Variants in RNF157 observed in about 807,000 individuals in gnomAD.
RNF157 encodes E3 ubiquitin ligase RNF157.
A neutral mutation model predicts 88.3 loss-of-function variants in RNF157; 55 were observed. The ratio of observed to expected loss-of-function variants is 0.62; its 90% CI spans 0.50 to 0.78. RNF157 has a LOEUF of 0.78. Ranked by LOEUF, RNF157 falls within the 30% of genes least tolerant of loss-of-function variation. The pLI is 0.00. For synonymous variants in RNF157, 334 were observed against 341.2 expected (o/e 0.98, Z 0.23); for missense variants, 788 against 860.8 (o/e 0.92, Z 1.06).
intron 1 of RNF157, among the ~76,000 whole-genome samples, chr17:76,231,137 A>C (rs1450654905): frequency 6.6e-6 from 1 of 151,826 alleles, no homozygotes; most frequent in Non-Finnish European, 1.5e-5. Context: ...AGCTGTGACT[A>C]CAGGCACCGG....
intron 2 of RNF157, among the ~76,000 whole-genome samples, chr17:76,202,126 T>A (rs868255474): frequency 0.014 from 1,962 of 137,536 alleles, 32 homozygotes; most frequent in African/African-American, 0.052. Flanking sequence ...TCTCTCTCTC[T>A]CTCACACACA....
intron 18 of RNF157, chr17:76,147,089 G>A (rs775960311): frequency 5.1e-6 from 5 of 985,330 alleles, no homozygotes; most frequent in Non-Finnish European, 6.0e-6. Context: ...TTTACTCCCT[G>A]GGGGTGGGTA....
At chr17:76,184,015 C>A (rs2069240691) in intron 2 of RNF157, among the ~76,000 whole-genome samples, 1 of 151,956 alleles carries the variant, frequency 6.6e-6, no homozygotes, top group Admixed American at 6.6e-5. Context: ...CATGGTGAAA[C>A]CCCGTCTCTA....
At chr17:76,206,093 T>C (rs2069677489) in intron 2 of RNF157, among the ~76,000 whole-genome samples, 5 of 151,868 alleles carry the variant, frequency 3.3e-5, no homozygotes, top group Admixed American at 3.3e-4. Flanking sequence ...AAGCCAGGCA[T>C]GGTGGGGCGT....
intron 2 of RNF157, among the ~76,000 whole-genome samples, chr17:76,183,929 C>A (rs1027288447): frequency 6.6e-5 from 10 of 152,092 alleles, no homozygotes; most frequent in African/African-American, 2.4e-4. Flanking sequence ...GTGGCTCACA[C>A]CTGTAATCCC....
At chr17:76,226,355 G>A (rs2070084963) in intron 1 of RNF157, 2 of 1,598,730 alleles carry the variant, frequency 1.3e-6, no homozygotes, top group Non-Finnish European at 1.7e-6. Context: ...AACCTGGTCG[G>A]GTTTTGTTAA....
At chr17:76,215,249 G>C (rs1010928481) in intron 1 of RNF157, among the ~76,000 whole-genome samples, 1 of 152,050 alleles carries the variant, frequency 6.6e-6, no homozygotes, top group Non-Finnish European at 1.5e-5. Flanking sequence ...TTGGAGACCA[G>C]CTTGGGCAAC....
In RNF157 at chr17:76,152,449, T is replaced by G; in HGVS notation, c.1827A>C (p.Ala609=). 6.2e-7 allele frequency: 1 copy of G among 1,612,652 alleles called. No homozygotes were observed. Among genetic ancestry groups the G allele is most frequent in the Non-Finnish European group, 8.5e-7 (1 of 1,178,656 alleles). ...SPTQEGQRTC[A]FLGMECDNNN... is the part of the protein sequence containing the mutation. ...TATTGTCACACTCCATACCTAGAAATGCGCACGTCCTCTGGCCTGTAACGG... is the reference window on the plus strand; with the variant it reads ...TATTGTCACACTCCATACCTAGAAAGGCGCACGTCCTCTGGCCTGTAACGG... The change falls in exon 18 of 19, where the codon GCA becomes GCC. Residue 609 remains alanine, a synonymous_variant. Coordinates refer to ENST00000269391, the MANE Select transcript of RNF157 (RefSeq NM_052916.3).
intron 1 of RNF157, among the ~76,000 whole-genome samples, chr17:76,224,640 C>T (rs951619094): frequency 6.6e-6 from 1 of 151,846 alleles, no homozygotes; most frequent in African/African-American, 2.4e-5. Context: ...TTTTGACTTC[C>T]CTTGGCCACA....
At chr17:76,162,751 G>T in intron 8 of RNF157, 128 bp from the exon 9 acceptor site, 1 of 551,390 alleles carries the variant, frequency 1.8e-6, no homozygotes, top group South Asian at 2.9e-5. Context: ...AAAAATCAAA[G>T]GCCTGGATAA....
In RNF157 at chr17:76,160,621, G is replaced by A. The variant is rs1406026086; in HGVS notation, c.1065+914C>T. Among the ~76,000 whole-genome samples, 1 of 151,954 alleles carries A rather than the reference G, an allele frequency of 6.6e-6. No individual in the cohort carries two copies. The highest frequency in any genetic ancestry group is 2.4e-5 in the African/African-American group (1 of 41,336). ...TTTTATCTACTGTTTTATTCAATAT[G>A]AACTATGGCAAAGACATTAGCTTTT... On this transcript the variant is annotated intron_variant, in intron 11 of 18. Coordinates refer to ENST00000269391, the MANE Select transcript of RNF157 (RefSeq NM_052916.3). The surrounding 1 kb of genome is among the most constrained non-coding windows in gnomAD (Gnocchi z 4.3).
At chr17:76,162,702 T>C (rs2068862542) in intron 8 of RNF157, 79 bp from the exon 9 acceptor site, 4 of 1,000,406 alleles carry the variant, frequency 4.0e-6, no homozygotes, top group Non-Finnish European at 5.9e-6. Flanking sequence ...CAATCTTACC[T>C]CTTTTGGTAA....
At position 76,173,719 on chromosome 17, in the gene RNF157, G is replaced by A. The variant is rs1324359177; in HGVS notation, c.279C>T (p.Asp93=). The A allele has an allele frequency of 1.9e-6, 3 of 1,609,114 alleles. No individual in the cohort carries two copies. The highest frequency in any genetic ancestry group is 1.7e-6 in the Non-Finnish European group (2 of 1,177,300). The change falls in exon 3 of 19, where the codon GAC becomes GAT. Residue 93 remains aspartate (D), a synonymous_variant. Transcript: ENST00000269391. ...GAACTTACTTGACGAGCCTCAGTGTGTCCTTTCGGATATTGACCAGGCTTC... is the reference window on the plus strand; with the variant it reads ...GAACTTACTTGACGAGCCTCAGTGTATCCTTTCGGATATTGACCAGGCTTC... ...TLRSLVNIRK[D]TLRLVKCAEE...
intron 2 of RNF157, among the ~76,000 whole-genome samples, chr17:76,183,426 T>C (rs1176611031): frequency 2.6e-5 from 4 of 152,192 alleles, no homozygotes; most frequent in African/African-American, 9.7e-5. Flanking sequence ...TATTTAATTA[T>C]ATACCAAAAT....
In RNF157 at chr17:76,143,388, CAGG is replaced by C. The variant is rs2068541940; in HGVS notation, c.*1844_*1846del. 6.6e-6 allele frequency: 1 copy of C among 152,222 alleles called. No homozygotes were observed. Among genetic ancestry groups the C allele is most frequent in the Non-Finnish European group, 1.5e-5 (1 of 68,046 alleles). 9.4% of individuals were successfully genotyped at this position (152,222 alleles called of 1,614,324 possible). ...TGAATACTACCTGCAGGGGACAGGA[CAGG>C]AGGTGGTCTGTGTGCCACCACCCCA... On this transcript the variant is annotated 3_prime_UTR_variant, in exon 19 of 19. Coordinates refer to ENST00000269391, the MANE Select transcript of RNF157 (RefSeq NM_052916.3).
chr17:76,180,723 TC>T (rs1251308984), intron 2 of RNF157, among the ~76,000 whole-genome samples: 7 of 152,110 alleles, frequency 4.6e-5, no homozygotes, highest in Non-Finnish European at 1.0e-4. Flanking sequence ...CCACACCTGG[TC>T]TTTTTATTTT....
At chr17:76,166,312 TCA>T (rs2144853233) in intron 6 of RNF157, 147 bp downstream of exon 6, 1 of 688,958 alleles carries the variant, frequency 1.5e-6, no homozygotes, top group East Asian at 2.5e-5. Flanking sequence ...GAGCTTGGAG[TCA>T]CAGATGTGAG....
At chr17:76,207,379 C>T (rs571572557) in intron 2 of RNF157, among the ~76,000 whole-genome samples, 5 of 152,096 alleles carry the variant, frequency 3.3e-5, no homozygotes, top group South Asian at 2.1e-4. Flanking sequence ...GCAATGATCA[C>T]GCCACTGCAC....
intron 1 of RNF157, among the ~76,000 whole-genome samples, chr17:76,215,352 G>T (rs1396369376): frequency 6.6e-6 from 1 of 151,998 alleles, no homozygotes; most frequent in Non-Finnish European, 1.5e-5. Context: ...GCATGCGTCT[G>T]GAGTTCTAGC....
Sources: gnomAD v4.1 joint callset for allele counts (sites outside exome capture counted in the v4.1 genomes callset) on GRCh38, gnomAD v4.1.1 for gene constraint, Gnocchi (gnomAD v3.1) non-coding constraint, MANE v1.5 for transcripts, NCBI Gene and HGNC (gene_info 2026-07-23, HGNC 2026-07-21) for gene names.